KANK1: variants seen among roughly 807,000 people sequenced by gnomAD.
The protein encoded by KANK1 is KN motif and ankyrin repeat domains 1.
KANK1 carries 109 observed loss-of-function variants against 106.2 expected under a neutral mutation model. That is an observed-to-expected ratio of 1.03 (90% confidence interval 0.88 to 1.20). The LOEUF (loss-of-function observed/expected upper bound fraction) is 1.20. KANK1 is among the 50% of genes most tolerant of loss of function. The pLI is 0.00. For missense variants in KANK1, 2,399 were observed against 1,710.7 expected (o/e 1.40, Z -7.10); for synonymous variants, 873 against 652.2 (o/e 1.34, Z -5.16).
chr9:601,215 A>T (rs1827663232), intron 1 of KANK1, among the ~76,000 whole-genome samples: 2 of 151,944 alleles, frequency 1.3e-5, no homozygotes, highest in South Asian at 4.1e-4. Context: ...TATCTTACAT[A>T]ACCATATTGA....
intron 1 of KANK1, among the ~76,000 whole-genome samples, chr9:647,620 G>T (rs16921755): frequency 0.014 from 2,081 of 150,734 alleles, 198 homozygotes; most frequent in African/African-American, 0.049. Flanking sequence ...TAGTATAGTT[G>T]TGAGTATCCA....
At chr9:719,116 G>C (rs7040197) in intron 3 of KANK1, among the ~76,000 whole-genome samples, 108,459 of 151,454 alleles carry the variant, frequency 0.72, 38,841 homozygotes, top group Non-Finnish European at 0.74. Context: ...CACGCCACCA[G>C]GCCCGGCTAA....
chr9:635,973 C>T lies in KANK1; in HGVS notation c.-83-40917C>T, dbSNP rs148934571. Among the ~76,000 whole-genome samples, 75 of 152,196 alleles carry T rather than the reference C, an allele frequency of 4.9e-4. No individual in the cohort carries two copies. In the Middle Eastern group the frequency reaches 0.014, roughly 28 times the overall value. ...TACAGGTGTGAGCCACCGTGCCTGG[C>T]TTTATTCCTTCTTAATGAGGCACAA... On this transcript the variant is annotated intron_variant, in intron 1 of 11. Coordinates refer to ENST00000382297, the MANE Select transcript of KANK1 (RefSeq NM_015158.5).
In KANK1 at chr9:523,591, T is replaced by C. The variant is rs534628105; in HGVS notation, c.-84+18837T>C. Reference sequence around the variant, plus strand: ...ATGGCTGTCCTTGCCCGGTCCCTTGTTATTCTGTAGCCTCTCCTGTGCTCG... The same window carrying C: ...ATGGCTGTCCTTGCCCGGTCCCTTGCTATTCTGTAGCCTCTCCTGTGCTCG... On this transcript the variant is annotated intron_variant, in intron 1 of 11. Transcript: ENST00000382297. Among the ~76,000 whole-genome samples the C allele has an allele frequency of 7.7e-4, 117 of 151,900 alleles. 3 individuals carry two copies. Among genetic ancestry groups the C allele is most frequent in the African/African-American group, 2.8e-3 (114 of 41,192 alleles).
At chr9:554,018 C>G (rs1035046014) in intron 1 of KANK1, among the ~76,000 whole-genome samples, 5 of 152,256 alleles carry the variant, frequency 3.3e-5, no homozygotes, top group Admixed American at 2.0e-4. Context: ...GACTGGCGTA[C>G]AAATGTACAT....
At chr9:504,931 G>A (rs1457803381) in intron 1 of KANK1, among the ~76,000 whole-genome samples, 177 bp downstream of exon 1, 3 of 150,680 alleles carry the variant, frequency 2.0e-5, no homozygotes, top group African/African-American at 7.3e-5. Flanking sequence ...CCGCTCGTGC[G>A]GGTGAACCCG....
intron 1 of KANK1, among the ~76,000 whole-genome samples, chr9:513,731 G>A (rs1220889344): frequency 6.6e-6 from 1 of 152,092 alleles, no homozygotes; most frequent in Non-Finnish European, 1.5e-5. Flanking sequence ...TTGACCTTGG[G>A]AAAAAATAGA....
At chr9:518,574 G>A (rs769210419) in intron 1 of KANK1, among the ~76,000 whole-genome samples, 1 of 151,722 alleles carries the variant, frequency 6.6e-6, no homozygotes, top group African/African-American at 2.4e-5. Flanking sequence ...TTTGTGTTTG[G>A]AAAGAAATAT....
intron 1 of KANK1, among the ~76,000 whole-genome samples, chr9:627,155 A>G (rs1462589914): frequency 6.6e-6 from 1 of 152,186 alleles, no homozygotes; most frequent in African/African-American, 2.4e-5. Context: ...AATGTAAGAT[A>G]CAGATTGTGC....
chr9:508,825 A>C (rs1205509961), intron 1 of KANK1, among the ~76,000 whole-genome samples: 1 of 146,278 alleles, frequency 6.8e-6, no homozygotes, highest in African/African-American at 2.8e-5. Flanking sequence ...AGTTTCTTAC[A>C]TGGTAAGTAG....
intron 1 of KANK1, among the ~76,000 whole-genome samples, chr9:581,795 C>T (rs1164255048): frequency 6.6e-6 from 1 of 152,138 alleles, no homozygotes; most frequent in East Asian, 1.9e-4. Flanking sequence ...CCAGTCCCTA[C>T]TGCTTCTGGG....
At chr9:654,642 A>G (rs1196891571) in intron 1 of KANK1, among the ~76,000 whole-genome samples, 2 of 152,078 alleles carry the variant, frequency 1.3e-5, no homozygotes, top group Non-Finnish European at 2.9e-5. Flanking sequence ...CAGCATCCAC[A>G]TTTTTAAATG....
intron 1 of KANK1, among the ~76,000 whole-genome samples, chr9:612,462 G>GT (rs58731992): frequency 0.013 from 2,014 of 152,166 alleles, 52 homozygotes; most frequent in African/African-American, 0.046. Context: ...CATTATCGGT[G>GT]TTTTTTTGAA....
intron 1 of KANK1, among the ~76,000 whole-genome samples, chr9:625,897 G>A (rs1240412739): frequency 1.3e-5 from 2 of 151,768 alleles, no homozygotes; most frequent in African/African-American, 2.4e-5. Flanking sequence ...CACTCCCCAC[G>A]GTCCCCAGAT....
At chr9:605,611 C>T (rs531227034) in intron 1 of KANK1, among the ~76,000 whole-genome samples, 1 of 151,926 alleles carries the variant, frequency 6.6e-6, no homozygotes, top group African/African-American at 2.4e-5. Context: ...GTAATCTCTT[C>T]TGTACAGGTG....
intron 1 of KANK1, among the ~76,000 whole-genome samples, chr9:587,843 A>G (rs1408459524): frequency 1.3e-5 from 2 of 152,236 alleles, no homozygotes; most frequent in Non-Finnish European, 2.9e-5. Flanking sequence ...AGGCAGGCAG[A>G]TCACTTGAGG....
chr9:669,824 C>G (rs1196048007), intron 1 of KANK1, among the ~76,000 whole-genome samples: 1 of 152,114 alleles, frequency 6.6e-6, no homozygotes, highest in African/African-American at 2.4e-5. Context: ...CTACCCCTCA[C>G]TCTTGCTCAA....
At chr9:702,686 G>A (rs373467181) in intron 2 of KANK1, among the ~76,000 whole-genome samples, 1 of 152,036 alleles carries the variant, frequency 6.6e-6, no homozygotes, top group South Asian at 2.1e-4. Context: ...TCAGTCTCAC[G>A]CACGCACAAT....
chr9:668,422 T>G (rs144072578), intron 1 of KANK1, among the ~76,000 whole-genome samples: 8 of 152,194 alleles, frequency 5.3e-5, no homozygotes, highest in Non-Finnish European at 1.2e-4. Flanking sequence ...ATCAAATGTA[T>G]TAATCAGTTC....
Sources: allele counts gnomAD v4.1 joint callset (sites outside exome capture counted in the v4.1 genomes callset), GRCh38; gene constraint gnomAD v4.1.1; transcripts MANE v1.5; gene names NCBI Gene and HGNC (gene_info 2026-07-23, HGNC 2026-07-21).